Variants in ATIC observed in about 807,000 individuals in gnomAD.
The protein encoded by ATIC is 5-aminoimidazole-4-carboxamide ribonucleotide formyltransferase/IMP cyclohydrolase.
In ATIC, 64 loss-of-function variants were observed where a neutral mutation model predicts 72.5. The observed-to-expected ratio is 0.88, with a 90% CI of 0.72 to 1.09. ATIC has a LOEUF of 1.09. Among genes scored for constraint, ATIC ranks in the 50% least tolerant of loss-of-function variants. The probability of loss-of-function intolerance (pLI) is 0.00; values close to 1 mark genes in which losing one functional copy is unlikely to be tolerated. For missense variants in ATIC, 787 were observed against 732.4 expected, an observed-to-expected ratio of 1.07 and a Z score of -0.86; for synonymous variants, 281 against 267.1, an observed-to-expected ratio of 1.05 and a Z score of -0.51.
In ATIC at chr2:215,312,086, C is replaced by CGCA; in HGVS notation, c.-56_-54dup. The CGCA allele has an allele frequency of 6.5e-7, 1 of 1,529,682 alleles. No homozygotes were observed. Among genetic ancestry groups the CGCA allele is most frequent in the Non-Finnish European group, 8.7e-7 (1 of 1,144,362 alleles). 94.8% of individuals were successfully genotyped at this position (1,529,682 alleles called of 1,614,324 possible). A position where few individuals can be genotyped will look rare whatever the true frequency, so the allele number is the denominator to read the frequency against. ...CACATCCCGGCAGCCCTCCTACCTG[C>CGCA]GCACGTGGTGCCGCCGCTGCTGCCT... On this transcript the variant is annotated 5_prime_UTR_variant, in exon 1 of 16. Transcript: ENST00000236959.
chr2:215,357,702 G>A, the ATIC span, among the ~76,000 whole-genome samples: 2 of 151,962 alleles, frequency 1.3e-5, no homozygotes, highest in Admixed American at 6.6e-5. Context: ...GGAGTGAGAC[G>A]ATGTGATAAT....
At chr2:215,317,471 T>C (rs1350091139) in intron 2 of ATIC, among the ~76,000 whole-genome samples, 1 of 152,008 alleles carries the variant, frequency 6.6e-6, no homozygotes, top group Non-Finnish European at 1.5e-5. Flanking sequence ...TCACTTGATA[T>C]GCCATCTTCA....
chr2:215,347,070 T>C, intron 14 of ATIC, 129 bp downstream of exon 14: 3 of 1,211,928 alleles, frequency 2.5e-6, no homozygotes, highest in Non-Finnish European at 3.6e-6. Flanking sequence ...TTGTCTAAAA[T>C]TGATCATTGA....
chr2:215,319,747 T>G lies in ATIC; in HGVS notation c.290+16T>G, dbSNP rs762571910. The G allele has an allele frequency of 6.3e-7, 1 of 1,589,972 alleles. No homozygotes were observed. The highest frequency in any genetic ancestry group is 1.3e-5 in the African/African-American group (1 of 74,432). On this transcript the variant is annotated intron_variant, in intron 4 of 15. Coordinates refer to ENST00000236959, the MANE Select transcript of ATIC (RefSeq NM_004044.7). The stretch of plus-strand genomic sequence containing the variant: ...ATCTTATAAGGTAAAAACCTGAAAT[T>G]AAACTTTTAACACATTACGAACCAA...
intron 7 of ATIC, among the ~76,000 whole-genome samples, chr2:215,332,166 GTGTGTGTGTT>G (rs901279813): frequency 1.5e-5 from 2 of 130,680 alleles, no homozygotes; most frequent in Non-Finnish European, 3.3e-5. Context: ...GTGTGTGTGT[GTGTGTGTGTT>G]CATGTACATG....
intron 2 of ATIC, among the ~76,000 whole-genome samples, chr2:215,317,919 G>C (rs1343645894): frequency 6.6e-6 from 1 of 152,136 alleles, no homozygotes; most frequent in Non-Finnish European, 1.5e-5. Context: ...TGCTGTAGTA[G>C]TTACCAATTA....
At chr2:215,350,807 G>T (rs1449986150), downstream of ATIC, among the ~76,000 whole-genome samples, 1 of 152,164 alleles carries the variant, frequency 6.6e-6, no homozygotes, top group Non-Finnish European at 1.5e-5. Flanking sequence ...CCATTCCCGT[G>T]CATTGCACCT....
At chr2:215,329,513 G>A (rs552171156) in intron 7 of ATIC, among the ~76,000 whole-genome samples, 1 of 152,100 alleles carries the variant, frequency 6.6e-6, no homozygotes, top group Non-Finnish European at 1.5e-5. Flanking sequence ...TTGAGTATTT[G>A]GCAGTGATGT....
In ATIC at chr2:215,333,422, T is replaced by A; in HGVS notation, c.887T>A (p.Leu296His). Residue 296 changes from leucine (L) to histidine (H), a missense_variant, in exon 9 of 16, where the codon CTC becomes CAC. By Grantham distance (99) the Leu-to-His change is moderately conservative. Coordinates refer to ENST00000236959, the MANE Select transcript of ATIC (RefSeq NM_004044.7). ...ATGGTTTATGATCTCTATAAAACCC[T>A]CACACCCATCTCAGCGGCATATGCA... is the stretch of plus-strand genomic sequence containing the variant. ...VCMVYDLYKT[L>H]TPISAAYARA... 1 of 1,614,116 alleles carries A rather than the reference T, an allele frequency of 6.2e-7. No homozygotes were observed. Among genetic ancestry groups the A allele is most frequent in the Non-Finnish European group, 8.5e-7 (1 of 1,180,012 alleles).
the ATIC span, among the ~76,000 whole-genome samples, chr2:215,358,199 A>AAAC: frequency 1.4e-5 from 2 of 145,116 alleles, no homozygotes; most frequent in Non-Finnish European, 3.1e-5. Flanking sequence ...TTAGAGCTGA[A>AAAC]AACAATATAA....
intron 6 of ATIC, among the ~76,000 whole-genome samples, 197 bp from the exon 7 acceptor site, chr2:215,326,625 G>A (rs56303070): frequency 6.6e-6 from 1 of 150,474 alleles, no homozygotes; most frequent in East Asian, 2.0e-4. Context: ...AAAAAAAAAA[G>A]ATTGAAAAAG....
At chr2:215,331,099 T>C (rs895078846) in intron 7 of ATIC, among the ~76,000 whole-genome samples, 1 of 152,204 alleles carries the variant, frequency 6.6e-6, no homozygotes, top group African/African-American at 2.4e-5. Context: ...ATTGCTATAA[T>C]CATTTGTGTG....
Position 215,349,570 on chromosome 2 carries a change from C to G in ATIC, c.1694C>G (p.Ser565Cys), listed in dbSNP as rs778286386. 5.6e-6 allele frequency: 9 copies of G among 1,614,020 alleles called. No individual in the cohort carries two copies. The highest frequency in any genetic ancestry group is 6.8e-6 in the Non-Finnish European group (8 of 1,180,036). The change falls in exon 16 of 16, where the codon TCT becomes TGT. Residue 565 changes from serine to cysteine, a missense_variant. Transcript: ENST00000236959. ...GCGTACATTGCGGCTCCCTCCGGTTCTGCTGCTGACAAAGTTGTGATTGAG... is the reference window on the plus strand; with the variant it reads ...GCGTACATTGCGGCTCCCTCCGGTTGTGCTGCTGACAAAGTTGTGATTGAG... Reference protein sequence around the residue: ...GVAYIAAPSGSAADKVVIEAC... With the variant: ...GVAYIAAPSGCAADKVVIEAC...
chr2:215,334,306 G>T (rs1297602633), intron 9 of ATIC, among the ~76,000 whole-genome samples: 5 of 146,350 alleles, frequency 3.4e-5, no homozygotes, highest in African/African-American at 1.3e-4. Flanking sequence ...CGATTCTCCT[G>T]CCTCAGCGTC....
chr2:215,330,115 T>C (rs1433391046), intron 7 of ATIC, among the ~76,000 whole-genome samples: 1 of 152,222 alleles, frequency 6.6e-6, no homozygotes, highest in African/African-American at 2.4e-5. Context: ...CTCCCACTTA[T>C]CAACCTTAGC....
At chr2:215,361,951 T>C in the ATIC span, 3 of 1,611,804 alleles carry the variant, frequency 1.9e-6, no homozygotes, top group Middle Eastern at 1.7e-4. Flanking sequence ...AACACACTTG[T>C]GCTGCTAATG....
rs1445835304 is a variant in ATIC at position 215,325,445 on chromosome 2, T to C, written c.379+116T>C. The C allele has an allele frequency of 1.6e-5, 13 of 793,434 alleles. No homozygotes were observed. In the East Asian group the frequency reaches 2.7e-4, roughly 16 times the overall value. 49.1% of individuals were successfully genotyped at this position (793,434 alleles called of 1,614,324 possible). A position where few individuals can be genotyped will look rare whatever the true frequency, so the allele number is the denominator to read the frequency against. On this transcript the variant is annotated intron_variant, in intron 5 of 15. Coordinates refer to ENST00000236959, the MANE Select transcript of ATIC (RefSeq NM_004044.7). ...TAGAAAGAAAATAGCTACTTCTGGA[T>C]TGTGTTTTGGGATTACTATAATTCA...
chr2:215,345,055 A>G (rs1485153236), intron 13 of ATIC, 184 bp downstream of exon 13: 1 of 681,718 alleles, frequency 1.5e-6, no homozygotes, highest in Non-Finnish European at 2.6e-6. Flanking sequence ...ATCAGAAAAT[A>G]TCTTTGGAAC....
chr2:215,367,717 T>C, the ATIC span: 1 of 818,240 alleles, frequency 1.2e-6, no homozygotes, highest in African/African-American at 1.7e-5. Flanking sequence ...TGATGCAAAA[T>C]ATTACTTCGA....
Sources: gnomAD v4.1 joint callset for allele counts (sites outside exome capture counted in the v4.1 genomes callset) on GRCh38, gnomAD v4.1.1 for gene constraint, MANE v1.5 for transcripts, NCBI Gene and HGNC (gene_info 2026-07-23, HGNC 2026-07-21) for gene names.